Variants in TP63 observed in about 807,000 individuals in gnomAD.
The protein encoded by TP63 is tumor protein p63, also known as tumor protein 63.
TP63 carries 17 observed loss-of-function variants against 82.8 expected under a neutral mutation model. The ratio of observed to expected loss-of-function variants is 0.21; its 90% CI spans 0.14 to 0.31. The LOEUF is 0.31. Ranked by LOEUF, TP63 falls within the 10% of genes least tolerant of loss-of-function variation. TP63 has a pLI of 1.00. For synonymous variants in TP63, 330 were observed against 321.7 expected, an observed-to-expected ratio of 1.03 and a Z score of -0.28; for missense variants, 648 against 895.3, an observed-to-expected ratio of 0.72 and a Z score of 3.52.
chr3:189,851,124 T>C (rs1715571722), intron 4 of TP63, among the ~76,000 whole-genome samples: 3 of 152,258 alleles, frequency 2.0e-5, no homozygotes, highest in Non-Finnish European at 4.4e-5. Context: ...TTTTAATCTA[T>C]TTTTTCTTTC....
At chr3:189,760,374 G>T (rs1722477690) in intron 3 of TP63, among the ~76,000 whole-genome samples, 1 of 152,202 alleles carries the variant, frequency 6.6e-6, no homozygotes, top group Non-Finnish European at 1.5e-5. Context: ...TTGGGTAAAT[G>T]TGGCCATTCC....
chr3:189,763,387 A>AG (rs1255422369), intron 3 of TP63, among the ~76,000 whole-genome samples: 2 of 152,204 alleles, frequency 1.3e-5, no homozygotes, highest in African/African-American at 4.8e-5. Flanking sequence ...TTCATCACGC[A>AG]GCTCAGTGGT....
At chr3:189,713,689 A>C (rs1365787314) in intron 1 of TP63, among the ~76,000 whole-genome samples, 3 of 152,168 alleles carry the variant, frequency 2.0e-5, no homozygotes, top group Non-Finnish European at 4.4e-5. Context: ...AGTCTAATCC[A>C]ACTTTTTAAC....
At chr3:189,613,030 A>G in the TP63 span, among the ~76,000 whole-genome samples, 1 of 152,216 alleles carries the variant, frequency 6.6e-6, no homozygotes, top group Non-Finnish European at 1.5e-5. Flanking sequence ...CTTCCTGACT[A>G]TGTGATAGAA....
chr3:189,880,232 A>AGTGTGT, intron 10 of TP63: 1 of 1,573,432 alleles, frequency 6.4e-7, no homozygotes, highest in Non-Finnish European at 8.7e-7. Flanking sequence ...TGTATATGTG[A>AGTGTGT]GTGTGTGTGT....
At chr3:189,726,830 C>A (rs73065473) in intron 1 of TP63, among the ~76,000 whole-genome samples, 6,213 of 152,214 alleles carry the variant, frequency 0.041, 435 homozygotes, top group African/African-American at 0.14. Context: ...ACTCAAACTG[C>A]AATTTATTTT....
chr3:189,848,966 C>T (rs1275262664), intron 4 of TP63, among the ~76,000 whole-genome samples: 2 of 152,090 alleles, frequency 1.3e-5, no homozygotes, highest in Non-Finnish European at 2.9e-5. Context: ...TCAGCCCCAC[C>T]CCCCAGCCTC....
chr3:189,739,526 G>A (rs1276240986), intron 3 of TP63, among the ~76,000 whole-genome samples: 1 of 152,142 alleles, frequency 6.6e-6, no homozygotes, highest in Admixed American at 6.5e-5. Flanking sequence ...AATTCTATGT[G>A]CATATGCAGG....
At chr3:189,745,875 A>G (rs545957579) in intron 3 of TP63, among the ~76,000 whole-genome samples, 69 of 151,998 alleles carry the variant, frequency 4.5e-4, no homozygotes, top group Middle Eastern at 3.4e-3. Flanking sequence ...AGTTAGATAA[A>G]AATGAAAACA....
chr3:189,623,112 G>T, the TP63 span, among the ~76,000 whole-genome samples: 1,153 of 152,240 alleles, frequency 7.6e-3, 19 homozygotes, highest in African/African-American at 0.026. Flanking sequence ...ACCCCCAAAA[G>T]AAATCATTTT....
intron 1 of TP63, among the ~76,000 whole-genome samples, chr3:189,731,822 A>G (rs1408850015): frequency 6.6e-6 from 1 of 152,234 alleles, no homozygotes; most frequent in Non-Finnish European, 1.5e-5. Flanking sequence ...TGATTGTTCT[A>G]TGAGTAAATT....
intron 4 of TP63, among the ~76,000 whole-genome samples, chr3:189,831,816 C>CTTT (rs1453181902): frequency 8.0e-6 from 1 of 124,620 alleles, no homozygotes; most frequent in African/African-American, 3.0e-5. Context: ...AGCTATTATG[C>CTTT]TCTTTTTTTT....
intron 4 of TP63, among the ~76,000 whole-genome samples, chr3:189,814,575 G>A (rs574620305): frequency 1.5e-4 from 23 of 152,316 alleles, no homozygotes; most frequent in Middle Eastern, 6.8e-3. Flanking sequence ...ATAGCATTGA[G>A]CATATTAATC....
chr3:189,760,725 C>G (rs1722504035), intron 3 of TP63, among the ~76,000 whole-genome samples: 1 of 152,174 alleles, frequency 6.6e-6, no homozygotes, highest in African/African-American at 2.4e-5. Flanking sequence ...AGTAGGGACT[C>G]TGTGTGGGGG....
chr3:189,620,998 C>T, the TP63 span, among the ~76,000 whole-genome samples: 2 of 152,162 alleles, frequency 1.3e-5, no homozygotes, highest in Non-Finnish European at 2.9e-5. Flanking sequence ...AAATGGCTTT[C>T]ACCTGTATAG....
chr3:189,678,242 T>G (rs1715615162), intron 1 of TP63, among the ~76,000 whole-genome samples: 1 of 152,158 alleles, frequency 6.6e-6, no homozygotes, highest in Admixed American at 6.6e-5. Flanking sequence ...ATTTAAGTAT[T>G]TAATCCATCT....
At chr3:189,831,615 C>T (rs1246584273) in intron 4 of TP63, among the ~76,000 whole-genome samples, 4 of 150,940 alleles carry the variant, frequency 2.7e-5, no homozygotes, top group Non-Finnish European at 5.9e-5. Flanking sequence ...TGGCCAGGTG[C>T]TCATTTGATG....
intron 1 of TP63, among the ~76,000 whole-genome samples, chr3:189,732,541 G>A (rs1043144449): frequency 5.9e-5 from 9 of 152,204 alleles, no homozygotes; most frequent in South Asian, 2.1e-4. Context: ...ACGATGTAGC[G>A]CGTTTTGTGG....
intron 1 of TP63, among the ~76,000 whole-genome samples, chr3:189,682,553 A>AAAATATAT (rs1716055397): frequency 1.1e-3 from 11 of 10,352 alleles, no homozygotes; most frequent in African/African-American, 2.1e-3. Flanking sequence ...AAAAAAAAAA[A>AAAATATAT]ATATATATAT....
Sources: gnomAD v4.1 joint callset for allele counts (sites outside exome capture counted in the v4.1 genomes callset) on GRCh38, gnomAD v4.1.1 for gene constraint, MANE v1.5 for transcripts, NCBI Gene and HGNC (gene_info 2026-07-23, HGNC 2026-07-21) for gene names.